NEMP2: variants seen among roughly 807,000 people sequenced by gnomAD.
The protein encoded by NEMP2 is UPF0571 transmembrane protein.
In NEMP2, 53 loss-of-function variants were observed where a neutral mutation model predicts 54.2. The ratio of observed to expected loss-of-function variants is 0.98; its 90% CI spans 0.78 to 1.23. The LOEUF (loss-of-function observed/expected upper bound fraction) is 1.23. NEMP2 is among the 50% of genes most tolerant of loss of function. The pLI is 0.00. For synonymous variants in NEMP2, 197 were observed against 190.3 expected, an observed-to-expected ratio of 1.04 and a Z score of -0.29; for missense variants, 455 against 511.3, an observed-to-expected ratio of 0.89 and a Z score of 1.06.
the NEMP2 span, among the ~76,000 whole-genome samples, chr2:190,647,782 T>G: frequency 6.7e-6 from 1 of 149,336 alleles, no homozygotes; most frequent in East Asian, 2.0e-4. Flanking sequence ...TGGCACGATC[T>G]TGGCTCACTG....
chr2:190,586,360 G>A, the NEMP2 span, among the ~76,000 whole-genome samples: 3 of 152,106 alleles, frequency 2.0e-5, no homozygotes, highest in Non-Finnish European at 2.9e-5. This position sits in a 1 kb window ranked among gnomAD's most constrained non-coding sequence, Gnocchi z 4.5. Context: ...TATATAAACA[G>A]TCTGTTGTAA....
Position 190,505,576 on chromosome 2 carries a change from A to T in NEMP2, c.*3613T>A, listed in dbSNP as rs771090306. The T allele has an allele frequency of 6.6e-6, 1 of 152,232 alleles. No homozygotes were observed. Among genetic ancestry groups the T allele is most frequent in the African/African-American group, 2.4e-5 (1 of 41,462 alleles). 9.4% of individuals were successfully genotyped at this position (152,232 alleles called of 1,614,324 possible). A position where few individuals can be genotyped will look rare whatever the true frequency, so the allele number is the denominator to read the frequency against. Reference sequence around the variant, plus strand: ...CTGTATCTTCCAAGATTTATATTAGATAAGTATAGTATTCATTTCAAATCT... The same window carrying T: ...CTGTATCTTCCAAGATTTATATTAGTTAAGTATAGTATTCATTTCAAATCT... On this transcript the variant is annotated 3_prime_UTR_variant, in exon 9 of 9. Coordinates refer to ENST00000409150, the MANE Select transcript of NEMP2 (RefSeq NM_001142645.2). The surrounding 1 kb of genome is among the most constrained non-coding windows in gnomAD (Gnocchi z 5.8).
At chr2:190,524,028 C>T (rs1690844104) in intron 2 of NEMP2, among the ~76,000 whole-genome samples, 1 of 150,944 alleles carries the variant, frequency 6.6e-6, no homozygotes, top group Non-Finnish European at 1.5e-5. Context: ...CATGGCAAAA[C>T]CCCATCTCTA....
chr2:190,638,852 C>T, the NEMP2 span, among the ~76,000 whole-genome samples: 2 of 152,138 alleles, frequency 1.3e-5, no homozygotes, highest in Non-Finnish European at 2.9e-5. The surrounding 1 kb of genome is among the most constrained non-coding windows in gnomAD (Gnocchi z 5.7). Flanking sequence ...GCAGATGGGT[C>T]TCAAGCAGCA....
At chr2:190,501,721 C>T (rs995870437), downstream of NEMP2, 3 of 152,506 alleles carry the variant, frequency 2.0e-5, no homozygotes, top group African/African-American at 7.2e-5. Flanking sequence ...TTGGATGTCT[C>T]GCTTCACAAT....
chr2:190,542,484 T>C, the NEMP2 span, among the ~76,000 whole-genome samples: 2 of 152,242 alleles, frequency 1.3e-5, no homozygotes, highest in African/African-American at 4.8e-5. The surrounding 1 kb of genome is among the most constrained non-coding windows in gnomAD (Gnocchi z 4.6). Context: ...AGTGCTGGGA[T>C]TACAGGTGTG....
the NEMP2 span, among the ~76,000 whole-genome samples, chr2:190,616,306 A>G: frequency 6.6e-6 from 1 of 152,264 alleles, no homozygotes; most frequent in Non-Finnish European, 1.5e-5. The surrounding 1 kb of genome is among the most constrained non-coding windows in gnomAD (Gnocchi z 5.1). Context: ...TGAAGAAAAA[A>G]AAGGATGACA....
the NEMP2 span, among the ~76,000 whole-genome samples, chr2:190,647,386 T>C: frequency 1.3e-5 from 2 of 152,220 alleles, no homozygotes. Context: ...TCCTATCCCT[T>C]GCTGCAACAT....
At chr2:190,422,392 T>C in the NEMP2 span, among the ~76,000 whole-genome samples, 2 of 152,152 alleles carry the variant, frequency 1.3e-5, no homozygotes, top group African/African-American at 2.4e-5. Context: ...ATTTCCTGTA[T>C]CCCTTGTCTG....
At chr2:190,490,453 C>T in the NEMP2 span, among the ~76,000 whole-genome samples, 1 of 151,932 alleles carries the variant, frequency 6.6e-6, no homozygotes, top group Non-Finnish European at 1.5e-5. The surrounding 1 kb of genome is among the most constrained non-coding windows in gnomAD (Gnocchi z 4.5). Flanking sequence ...ATCCCAGCTA[C>T]TCAGGAGGCT....
chr2:190,498,290 G>A, the NEMP2 span, among the ~76,000 whole-genome samples: 80 of 152,102 alleles, frequency 5.3e-4, no homozygotes, highest in Non-Finnish European at 1.0e-3. This position sits in a 1 kb window ranked among gnomAD's most constrained non-coding sequence, Gnocchi z 5.9. Flanking sequence ...GGTGTATCCC[G>A]ACTTTGGAAA....
chr2:190,564,804 A>G, the NEMP2 span, among the ~76,000 whole-genome samples: 5 of 152,352 alleles, frequency 3.3e-5, no homozygotes, highest in South Asian at 1.0e-3. The surrounding 1 kb of genome is among the most constrained non-coding windows in gnomAD (Gnocchi z 4.2). Context: ...CATATCTCTT[A>G]TATCTCTTCT....
chr2:190,585,655 T>C, the NEMP2 span, among the ~76,000 whole-genome samples: 2 of 152,304 alleles, frequency 1.3e-5, no homozygotes, highest in South Asian at 4.1e-4. This position sits in a 1 kb window ranked among gnomAD's most constrained non-coding sequence, Gnocchi z 5.3. Context: ...ACAAAGAGTA[T>C]AGAGTTTTGG....
At chr2:190,471,675 T>G in the NEMP2 span, among the ~76,000 whole-genome samples, 7 of 152,178 alleles carry the variant, frequency 4.6e-5, no homozygotes, top group Non-Finnish European at 7.4e-5. This position sits in a 1 kb window ranked among gnomAD's most constrained non-coding sequence, Gnocchi z 4.7. Flanking sequence ...GGGCAGAGCA[T>G]AGCCAAACAA....
At position 190,527,761 on chromosome 2, in the gene NEMP2, C is replaced by T. The variant is rs144757765; in HGVS notation, c.98-2383G>A. ...GTGATCATTACCACCTGAGCTCCAC[C>T]TCCTGTCAGATCAGCAGTGGCATTA... On this transcript the variant is annotated intron_variant, in intron 1 of 8. Transcript: ENST00000409150. The surrounding 1 kb of genome is among the most constrained non-coding windows in gnomAD (Gnocchi z 4.0). Among the ~76,000 whole-genome samples, 182 of 152,256 alleles carry T rather than the reference C, an allele frequency of 1.2e-3. No individual in the cohort carries two copies. Among genetic ancestry groups the T allele is most frequent in the Non-Finnish European group, 2.3e-3 (155 of 68,016 alleles).
the NEMP2 span, chr2:190,435,407 A>G: frequency 2.0e-5 from 3 of 152,488 alleles, no homozygotes; most frequent in African/African-American, 7.2e-5. Context: ...TACATAATAT[A>G]TGCAATGTGA....
the NEMP2 span, among the ~76,000 whole-genome samples, chr2:190,487,300 C>A: frequency 6.6e-6 from 1 of 152,194 alleles, no homozygotes; most frequent in Non-Finnish European, 1.5e-5. The surrounding 1 kb of genome is among the most constrained non-coding windows in gnomAD (Gnocchi z 5.5). Context: ...GAGGTCGTGC[C>A]ACTGCACTCC....
chr2:190,553,226 A>G, the NEMP2 span: 3 of 139,940 alleles, frequency 2.1e-5, no homozygotes, highest in African/African-American at 8.1e-5. Flanking sequence ...AGATACTGTT[A>G]TTATGCATTC....
chr2:190,489,874 T>C, the NEMP2 span: 16 of 1,610,270 alleles, frequency 9.9e-6, no homozygotes, highest in African/African-American at 1.2e-4. This position sits in a 1 kb window ranked among gnomAD's most constrained non-coding sequence, Gnocchi z 6.6. Context: ...AAGGTAATTA[T>C]TTCCATTCTT....
Sources: gnomAD v4.1 joint callset for allele counts (sites outside exome capture counted in the v4.1 genomes callset) on GRCh38, gnomAD v4.1.1 for gene constraint, Gnocchi (gnomAD v3.1) non-coding constraint, MANE v1.5 for transcripts, NCBI Gene and HGNC (gene_info 2026-07-23, HGNC 2026-07-21) for gene names.